The following FBXL18 variants were observed in gnomAD, a reference collection of about 807,000 sequenced individuals.
FBXL18 encodes F-box/LRR-repeat protein 18.
A neutral mutation model predicts 46.0 loss-of-function variants in FBXL18; 36 were observed. The ratio of observed to expected loss-of-function variants is 0.78; its 90% confidence interval spans 0.60 to 1.03. The LOEUF (loss-of-function observed/expected upper bound fraction) is 1.03, where lower values mean the gene tolerates loss of function less well. FBXL18 is among the 50% of genes least tolerant of loss of function. The pLI, the probability that FBXL18 is intolerant of heterozygous loss-of-function variation, is 0.00. For synonymous variants in FBXL18, 557 were observed against 465.3 expected (o/e 1.20, Z -2.54); for missense variants, 977 against 1,004.1 (o/e 0.97, Z 0.36).
At chr7:5,468,814 T>C (rs557714998) in intron 4 of FBXL18, among the ~76,000 whole-genome samples, 16 of 151,906 alleles carry the variant, frequency 1.1e-4, no homozygotes, top group Non-Finnish European at 1.8e-4. Flanking sequence ...TTGCCCAGGC[T>C]GATCTCAAAT....
In FBXL18 at chr7:5,500,935, G is replaced by A. The variant is rs765326368; in HGVS notation, c.1334C>T (p.Pro445Leu). Reference sequence around the variant, plus strand: ...ACGCACTTTCTTGCCAAAGCCGCGCGGCACTGCGTGCATGGCCGGCTGGGC... The same window carrying A: ...ACGCACTTTCTTGCCAAAGCCGCGCAGCACTGCGTGCATGGCCGGCTGGGC... ...APAQPAMHAV[P>L]RGFGKKVRVG... Residue 445 changes from proline to leucine, a missense_variant, in exon 3 of 5, where the codon CCG becomes CTG. Transcript: ENST00000382368. 5 of 1,551,764 alleles carry A rather than the reference G, an allele frequency of 3.2e-6. No individual in the cohort carries two copies. Among genetic ancestry groups the A allele is most frequent in the African/African-American group, 1.4e-5 (1 of 73,078 alleles).
chr7:5,492,756 C>T (rs1037080949), intron 3 of FBXL18, among the ~76,000 whole-genome samples: 2 of 152,110 alleles, frequency 1.3e-5, no homozygotes, highest in Non-Finnish European at 2.9e-5. Context: ...ACAACAGAGG[C>T]AGAGACTGGG....
chr7:5,483,055 AG>A (rs1225258116), intron 4 of FBXL18, among the ~76,000 whole-genome samples: 3 of 150,880 alleles, frequency 2.0e-5, no homozygotes, highest in Non-Finnish European at 4.4e-5. Flanking sequence ...AAAAAGAAAA[AG>A]AAGAAGAAAA....
rs918581910 is a variant in FBXL18 at position 5,477,652 on chromosome 7, G to A, written c.*4123C>T. 2.6e-5 allele frequency: 4 copies of A among 151,848 alleles called. No homozygotes were observed. The highest frequency in any genetic ancestry group is 9.7e-5 in the African/African-American group (4 of 41,312). The allele number at this position is 151,848 out of a possible 1,614,324, so 9.4% of individuals were successfully genotyped here. A position where few individuals can be genotyped will look rare whatever the true frequency, so the allele number is the denominator to read the frequency against. ...GTGAGGTGGAGGTTGTAGTGAGTGAGCTGAGATCGTGCCACTGCACTCCAG... is the reference window on the plus strand; with the variant it reads ...GTGAGGTGGAGGTTGTAGTGAGTGAACTGAGATCGTGCCACTGCACTCCAG... On this transcript the variant is annotated 3_prime_UTR_variant, in exon 5 of 5. Transcript: ENST00000382368. The surrounding 1 kb of genome is among the most constrained non-coding windows in gnomAD (Gnocchi z 4.4).
At chr7:5,485,075 C>T (rs1347818772) in intron 4 of FBXL18, among the ~76,000 whole-genome samples, 1 of 152,168 alleles carries the variant, frequency 6.6e-6, no homozygotes, top group East Asian at 1.9e-4. Context: ...AGCCATGGCA[C>T]CCAGCCAGGA....
At chr7:5,462,364 TA>T (rs762932460) in intron 4 of FBXL18, among the ~76,000 whole-genome samples, 1 of 152,238 alleles carries the variant, frequency 6.6e-6, no homozygotes, top group Non-Finnish European at 1.5e-5. Context: ...AGGCATTACC[TA>T]CCCCACTGTG....
At chr7:5,493,705 G>A (rs1021183261) in intron 3 of FBXL18, among the ~76,000 whole-genome samples, 30 of 149,182 alleles carry the variant, frequency 2.0e-4, no homozygotes, top group African/African-American at 7.2e-4. Context: ...GTGGAGACAG[G>A]GGTCTCACTA....
chr7:5,510,679 CT>C, intron 1 of FBXL18, among the ~76,000 whole-genome samples: 1 of 145,374 alleles, frequency 6.9e-6, no homozygotes, highest in East Asian at 2.0e-4. Context: ...GAGTGAGATC[CT>C]GTCTCCAAAA....
At position 5,481,249 on chromosome 7, in the gene FBXL18, G is replaced by A. The variant is rs1484252889; in HGVS notation, c.*526C>T. ...GTCCCAAGTCTGCAGCCACTAAACT[G>A]GCAGGCCCTTCCCCATGTCACACTT... On this transcript the variant is annotated 3_prime_UTR_variant, in exon 5 of 5. Coordinates refer to ENST00000382368, the MANE Select transcript of FBXL18 (RefSeq NM_024963.6). 1 of 158,890 alleles carries A rather than the reference G, an allele frequency of 6.3e-6. No homozygotes were observed. The highest frequency in any genetic ancestry group is 2.4e-5 in the African/African-American group (1 of 41,458). The allele number at this position is 158,890 out of a possible 1,614,324, so 9.8% of individuals were successfully genotyped here. A position where few individuals can be genotyped will look rare whatever the true frequency, so the allele number is the denominator to read the frequency against.
At chr7:5,483,321 G>A (rs1383975885) in intron 4 of FBXL18, among the ~76,000 whole-genome samples, 5 of 150,738 alleles carry the variant, frequency 3.3e-5, no homozygotes. Context: ...GGTGCCTGTA[G>A]TCCCAGCTAC....
chr7:5,484,152 C>T (rs1043917370), intron 4 of FBXL18, among the ~76,000 whole-genome samples: 7 of 152,198 alleles, frequency 4.6e-5, no homozygotes, highest in Admixed American at 4.6e-4. Context: ...CCCCCTCTGG[C>T]TCCAGCTCGT....
chr7:5,493,684 C>CGT (rs1554321547), intron 3 of FBXL18, among the ~76,000 whole-genome samples: 4,787 of 146,680 alleles, frequency 0.033, 276 homozygotes, highest in African/African-American at 0.11. Context: ...TGCGTGCGTG[C>CGT]GTGTGTGTGT....
rs1450008121 is a variant in FBXL18 at position 5,480,781 on chromosome 7, C to G, written c.*994G>C. 1 of 151,774 alleles carries G rather than the reference C, an allele frequency of 6.6e-6. No homozygotes were observed. The highest frequency in any genetic ancestry group is 2.4e-5 in the African/African-American group (1 of 41,278). 9.4% of individuals were successfully genotyped at this position (151,774 alleles called of 1,614,324 possible). ...GTTTCACCATGTTGGCCAGGCTGGT[C>G]TTGAACTCCTGACCTCGTGATCCAC... On this transcript the variant is annotated 3_prime_UTR_variant, in exon 5 of 5. Coordinates refer to ENST00000382368, the MANE Select transcript of FBXL18 (RefSeq NM_024963.6).
At position 5,491,569 on chromosome 7, in the gene FBXL18, C is replaced by T. The variant is rs1279677891; in HGVS notation, c.1782-120G>A. ...GCCTGGGGCCCAGCCCAGCTGTTCC[C>T]GCCACCTCCCACCAATACCACTATC... On this transcript the variant is annotated intron_variant, in intron 3 of 4. Coordinates refer to ENST00000382368, the MANE Select transcript of FBXL18 (RefSeq NM_024963.6). The T allele has an allele frequency of 2.5e-5, 20 of 792,270 alleles. No individual in the cohort carries two copies. In the East Asian group the frequency reaches 4.6e-4, roughly 18 times the overall value. 49.1% of individuals were successfully genotyped at this position (792,270 alleles called of 1,614,324 possible).
At chr7:5,493,655 TTGTGTG>T (rs150913470) in intron 3 of FBXL18, among the ~76,000 whole-genome samples, 4 of 144,816 alleles carry the variant, frequency 2.8e-5, no homozygotes, top group Admixed American at 2.1e-4. Flanking sequence ...TTATTTACTT[TTGTGTG>T]TGTGTGCGTG....
In FBXL18 at chr7:5,513,737, C is replaced by T; in HGVS notation, c.-63G>A. ...AACCCCGTGCCTCCCACCTGCCCGGCTAGGGATGCTCGAAGCCGGCGCGTC... is the reference window on the plus strand; with the variant it reads ...AACCCCGTGCCTCCCACCTGCCCGGTTAGGGATGCTCGAAGCCGGCGCGTC... On this transcript the variant is annotated 5_prime_UTR_variant, in exon 1 of 5. Coordinates refer to ENST00000382368, the MANE Select transcript of FBXL18 (RefSeq NM_024963.6). 6.4e-7 allele frequency: 1 copy of T among 1,569,044 alleles called. No individual in the cohort carries two copies. The highest frequency in any genetic ancestry group is 8.6e-7 in the Non-Finnish European group (1 of 1,157,354).
chr7:5,470,081 C>T (rs1429195455), intron 4 of FBXL18, among the ~76,000 whole-genome samples: 1 of 152,056 alleles, frequency 6.6e-6, no homozygotes, highest in Non-Finnish European at 1.5e-5. Context: ...AGTCTGCGGG[C>T]GTGGGTGAGG....
chr7:5,493,555 A>C (rs1783987387), intron 3 of FBXL18, among the ~76,000 whole-genome samples: 1 of 152,218 alleles, frequency 6.6e-6, no homozygotes, highest in African/African-American at 2.4e-5. Context: ...TCAGCCTCCC[A>C]AAGTGCTGGG....
intron 4 of FBXL18, among the ~76,000 whole-genome samples, chr7:5,456,931 T>C (rs1054527343): frequency 1.1e-4 from 16 of 152,212 alleles, no homozygotes; most frequent in Admixed American, 1.0e-3. Flanking sequence ...GCCTAGCTAA[T>C]TTTTGTGTTT....
Sources: allele counts gnomAD v4.1 joint callset (sites outside exome capture counted in the v4.1 genomes callset), GRCh38; gene constraint gnomAD v4.1.1; non-coding constraint Gnocchi (gnomAD v3.1); transcripts MANE v1.5; gene names NCBI Gene and HGNC (gene_info 2026-07-23, HGNC 2026-07-21).